The following PTN variants were observed in gnomAD, a reference collection of about 807,000 sequenced individuals.
PTN encodes the protein heparin affin regulatory protein.
In PTN, 18 loss-of-function variants were observed where a neutral mutation model predicts 24.1. The observed-to-expected ratio is 0.75, with a 90% CI of 0.52 to 1.11. The LOEUF is 1.11. PTN is among the 50% of genes least tolerant of loss of function. The pLI is 0.00. For synonymous variants in PTN, 78 were observed against 68.6 expected (o/e 1.14, Z -0.67); for missense variants, 163 against 198.8 (o/e 0.82, Z 1.08).
At chr7:137,298,156 C>T (rs982394615) in intron 1 of PTN, among the ~76,000 whole-genome samples, 1 of 152,026 alleles carries the variant, frequency 6.6e-6, no homozygotes, top group Non-Finnish European at 1.5e-5. Context: ...AGTATAAAAA[C>T]ATTATTGTTT....
chr7:137,280,794 C>T (rs186862393), intron 1 of PTN, among the ~76,000 whole-genome samples: 1 of 141,474 alleles, frequency 7.1e-6, no homozygotes, highest in African/African-American at 2.6e-5. Context: ...ATTGGTTAAA[C>T]CTGGGAGGCA....
intron 1 of PTN, among the ~76,000 whole-genome samples, chr7:137,341,177 A>G (rs1209359743): frequency 6.6e-6 from 1 of 152,230 alleles, no homozygotes; most frequent in Non-Finnish European, 1.5e-5. Context: ...TAAAGTTAAA[A>G]TATTTGATAT....
intron 1 of PTN, among the ~76,000 whole-genome samples, chr7:137,278,339 T>A (rs57816914): frequency 0.066 from 5,894 of 89,516 alleles, 414 homozygotes; most frequent in South Asian, 0.18. Context: ...AAAAAAAAAA[T>A]GACTACTAAT....
chr7:137,323,446 T>C (rs1298276369), intron 1 of PTN, among the ~76,000 whole-genome samples: 1 of 152,222 alleles, frequency 6.6e-6, no homozygotes, highest in Non-Finnish European at 1.5e-5. Context: ...GTGAAGACTG[T>C]CAGTAATTTA....
At chr7:137,245,990 G>C (rs1361215288) in intron 4 of PTN, among the ~76,000 whole-genome samples, 3 of 152,120 alleles carry the variant, frequency 2.0e-5, no homozygotes, top group Non-Finnish European at 4.4e-5. Flanking sequence ...TTCATTTACT[G>C]TTGGAGAAAG....
intron 1 of PTN, among the ~76,000 whole-genome samples, chr7:137,308,819 A>G (rs577229169): frequency 5.9e-5 from 9 of 152,322 alleles, no homozygotes; most frequent in African/African-American, 1.9e-4. Context: ...ATTTGAATCA[A>G]TCAGATAACC....
intron 1 of PTN, among the ~76,000 whole-genome samples, chr7:137,262,768 T>G (rs1484291082): frequency 6.6e-6 from 1 of 152,146 alleles, no homozygotes; most frequent in Non-Finnish European, 1.5e-5. Context: ...AACGGGAGGT[T>G]TCACAAGGTC....
intron 1 of PTN, among the ~76,000 whole-genome samples, chr7:137,316,484 T>C (rs912829166): frequency 6.6e-6 from 1 of 152,162 alleles, no homozygotes; most frequent in African/African-American, 2.4e-5. Flanking sequence ...TTTTTCATGA[T>C]TGCATCTGTC....
chr7:137,281,834 CT>C (rs1435438544), intron 1 of PTN, among the ~76,000 whole-genome samples: 2 of 152,134 alleles, frequency 1.3e-5, no homozygotes, highest in African/African-American at 4.8e-5. Flanking sequence ...GTATGAAAGA[CT>C]TTGCCTGTGC....
intron 1 of PTN, among the ~76,000 whole-genome samples, chr7:137,263,858 G>A (rs1809086780): frequency 3.3e-5 from 5 of 152,090 alleles, no homozygotes; most frequent in African/African-American, 1.2e-4. Flanking sequence ...GGGCCGTCCA[G>A]TCCCGGTGGG....
At chr7:137,305,278 A>T (rs1212347229) in intron 1 of PTN, among the ~76,000 whole-genome samples, 1 of 152,074 alleles carries the variant, frequency 6.6e-6, no homozygotes, top group Non-Finnish European at 1.5e-5. Context: ...TATTAATCAT[A>T]TCTGAAAACC....
Position 137,254,752 on chromosome 7 carries a change from A to C in PTN, c.115+107T>G, listed in dbSNP as rs888796131. On this transcript the variant is annotated intron_variant, in intron 2 of 4. Transcript: ENST00000348225. ...AAGGGAAGATTGAAGGAATAGAGGA[A>C]TAGGAAGGGAGAGAGGCAGAGTAGA... The C allele has an allele frequency of 6.6e-6, 4 of 604,232 alleles. No homozygotes were observed. The African/African-American group carries it at 7.3e-5, about 11-fold the overall frequency. The allele number at this position is 604,232 out of a possible 1,614,324, so 37.4% of individuals were successfully genotyped here.
chr7:137,242,749 C>T (rs1808652479), intron 4 of PTN, among the ~76,000 whole-genome samples: 1 of 152,200 alleles, frequency 6.6e-6, no homozygotes, highest in Non-Finnish European at 1.5e-5. Flanking sequence ...CTTGGCTCTG[C>T]ACTCCAGTGA....
At chr7:137,275,799 G>A (rs1406069424) in intron 1 of PTN, among the ~76,000 whole-genome samples, 2 of 152,130 alleles carry the variant, frequency 1.3e-5, no homozygotes, top group Non-Finnish European at 2.9e-5. Flanking sequence ...ATTTAAAAAT[G>A]TATAGATCTC....
At chr7:137,269,497 G>T (rs1809227021) in intron 1 of PTN, among the ~76,000 whole-genome samples, 2 of 152,038 alleles carry the variant, frequency 1.3e-5, no homozygotes, top group South Asian at 4.1e-4. Flanking sequence ...TGCAAGTCTT[G>T]TGGTTACTAG....
At chr7:137,335,086 T>C (rs1213642045) in intron 1 of PTN, among the ~76,000 whole-genome samples, 1 of 148,230 alleles carries the variant, frequency 6.7e-6, no homozygotes, top group Non-Finnish European at 1.5e-5. Context: ...GAGATATACC[T>C]AATGCTAAAT....
chr7:137,255,500 A>C (rs1356382571), intron 1 of PTN, among the ~76,000 whole-genome samples: 1 of 152,206 alleles, frequency 6.6e-6, no homozygotes, highest in Non-Finnish European at 1.5e-5. Context: ...TGATCTTTTT[A>C]AAATCATTGT....
chr7:137,268,980 T>C (rs968606036), intron 1 of PTN, among the ~76,000 whole-genome samples: 1 of 152,200 alleles, frequency 6.6e-6, no homozygotes, highest in Non-Finnish European at 1.5e-5. Context: ...GTTACAAAGA[T>C]TTTTGTTGTT....
chr7:137,329,124 G>A (rs775687049), intron 1 of PTN, among the ~76,000 whole-genome samples: 1 of 152,144 alleles, frequency 6.6e-6, no homozygotes, highest in Non-Finnish European at 1.5e-5. Flanking sequence ...AAGAAAAATA[G>A]TCTTTACCCC....
Sources: gnomAD v4.1 joint callset for allele counts (sites outside exome capture counted in the v4.1 genomes callset) on GRCh38, gnomAD v4.1.1 for gene constraint, MANE v1.5 for transcripts, NCBI Gene and HGNC (gene_info 2026-07-23, HGNC 2026-07-21) for gene names.